The following LRBA variants were observed in gnomAD, a reference collection of about 807,000 sequenced individuals.
LRBA encodes the protein LPS responsive beige-like anchor protein, also known as lipopolysaccharide-responsive and beige-like anchor protein.
In LRBA, 176 loss-of-function variants were observed where a neutral mutation model predicts 330.0. The ratio of observed to expected loss-of-function variants is 0.53; its 90% confidence interval spans 0.47 to 0.60. The LOEUF (loss-of-function observed/expected upper bound fraction) is 0.60, where lower values mean the gene tolerates loss of function less well. Ranked by LOEUF, LRBA falls within the 20% of genes least tolerant of loss-of-function variation. The pLI is 0.00. For missense variants in LRBA, 3,259 were observed against 3,444.8 expected, an observed-to-expected ratio of 0.95 and a Z score of 1.35; for synonymous variants, 1,230 against 1,193.0, an observed-to-expected ratio of 1.03 and a Z score of -0.64.
chr4:150,397,748 A>C lies in LRBA; in HGVS notation c.7194+17690T>G, dbSNP rs185748022. ...TTATGATTGCTGTGACAAGTTACCT[A>C]AACTCACAAGTTACCTAAACTCTCT... On this transcript the variant is annotated intron_variant, in intron 47 of 56. Coordinates refer to ENST00000651943, the MANE Select transcript of LRBA (RefSeq NM_001364905.1). Among the ~76,000 whole-genome samples the C allele has an allele frequency of 5.3e-4, 81 of 152,316 alleles. No individual in the cohort carries two copies. In the South Asian group the frequency reaches 5.4e-3, roughly 10 times the overall value.
chr4:150,405,079 A>C (rs1322960948), intron 47 of LRBA, among the ~76,000 whole-genome samples: 1 of 152,186 alleles, frequency 6.6e-6, no homozygotes, highest in Non-Finnish European at 1.5e-5. Context: ...CCAGCCATAT[A>C]TGCATTAAAT....
At chr4:150,270,926 C>T (rs575637235) in intron 56 of LRBA, among the ~76,000 whole-genome samples, 72 of 152,276 alleles carry the variant, frequency 4.7e-4, no homozygotes, top group African/African-American at 1.5e-3. Flanking sequence ...TGGCAATCGC[C>T]GAATAGGAGC....
intron 2 of LRBA, among the ~76,000 whole-genome samples, chr4:150,997,753 G>C (rs1328634646): frequency 2.0e-5 from 3 of 151,600 alleles, no homozygotes; most frequent in African/African-American, 7.3e-5. Context: ...GCCCAGGCTG[G>C]AGTGCAGTGG....
At chr4:150,710,549 T>C (rs1162446403) in intron 36 of LRBA, among the ~76,000 whole-genome samples, 1 of 152,098 alleles carries the variant, frequency 6.6e-6, no homozygotes, top group Non-Finnish European at 1.5e-5. Context: ...AAAAAAATAC[T>C]ATATTTAATT....
chr4:150,559,693 AT>A (rs1350630687), intron 40 of LRBA, among the ~76,000 whole-genome samples: 72 of 90,550 alleles, frequency 8.0e-4, no homozygotes, highest in African/African-American at 2.6e-3. Context: ...ATTATATTAT[AT>A]ATTATATATT....
chr4:150,639,850 T>C lies in LRBA; in HGVS notation c.5922-40719A>G, dbSNP rs1260669348. Among the ~76,000 whole-genome samples the C allele has an allele frequency of 6.2e-3, 462 of 74,450 alleles. 41 individuals carry two copies. The highest frequency in any genetic ancestry group is 0.024 in the African/African-American group (451 of 18,556). The allele number at this position is 74,450 out of a possible 152,430, so 48.8% of individuals were successfully genotyped here. A position where few individuals can be genotyped will look rare whatever the true frequency, so the allele number is the denominator to read the frequency against. On this transcript the variant is annotated intron_variant, in intron 37 of 56. Coordinates refer to ENST00000651943, the MANE Select transcript of LRBA (RefSeq NM_001364905.1). Reference sequence around the variant, plus strand: ...ATATATATATATATATATATATATATATATATATATATATATATATATTTA... The same window carrying C: ...ATATATATATATATATATATATATACATATATATATATATATATATATTTA...
chr4:150,786,208 T>C (rs1739032407), intron 34 of LRBA, among the ~76,000 whole-genome samples: 2 of 152,074 alleles, frequency 1.3e-5, no homozygotes, highest in South Asian at 2.1e-4. Flanking sequence ...ACCCTAAGGT[T>C]GGCCACCTTT....
At position 150,809,912 on chromosome 4, in the gene LRBA, TACG is replaced by T. The variant is rs1560850307; in HGVS notation, c.5306-1517_5306-1515del. Reference sequence around the variant, plus strand: ...TACGATACGATACGATACGATACGATACGATACGATACGATACGATACTTCCCT... The same window carrying T: ...TACGATACGATACGATACGATACGATATACGATACGATACGATACTTCCCT... On this transcript the variant is annotated intron_variant, in intron 31 of 56. Transcript: ENST00000651943. Among the ~76,000 whole-genome samples the T allele has an allele frequency of 2.7e-3, 395 of 143,920 alleles. 4 individuals carry two copies. The highest frequency in any genetic ancestry group is 9.8e-3 in the African/African-American group (379 of 38,478). 94.4% of individuals were successfully genotyped at this position (143,920 alleles called of 152,430 possible).
chr4:150,773,367 G>A (rs1224626014), intron 34 of LRBA, among the ~76,000 whole-genome samples: 1 of 152,156 alleles, frequency 6.6e-6, no homozygotes, highest in Non-Finnish European at 1.5e-5. Flanking sequence ...TGACAAGTAT[G>A]GAGAAAAAAA....
intron 36 of LRBA, among the ~76,000 whole-genome samples, chr4:150,689,052 A>T (rs895914457): frequency 6.6e-6 from 1 of 152,226 alleles, no homozygotes; most frequent in Admixed American, 6.5e-5. Context: ...AAGACTTGGA[A>T]CCAACCCAAA....
At chr4:150,429,223 A>G (rs1181939551) in intron 46 of LRBA, among the ~76,000 whole-genome samples, 5 of 151,984 alleles carry the variant, frequency 3.3e-5, no homozygotes, top group African/African-American at 1.2e-4. Context: ...GCCTTACTGA[A>G]AAGGTGACAT....
In LRBA at chr4:150,831,919, G is replaced by A. The variant is rs762040872; in HGVS notation, c.4627C>T (p.Leu1543Phe). 1.9e-6 allele frequency: 3 copies of A among 1,600,208 alleles called. No individual in the cohort carries two copies. The highest frequency in any genetic ancestry group is 2.6e-6 in the Non-Finnish European group (3 of 1,172,494). The change falls in exon 29 of 57, where the codon CTT becomes TTT. Residue 1543 changes from leucine (L) to phenylalanine (F), a missense_variant. By Grantham distance (22) the Leu-to-Phe change is conservative (BLOSUM62 0). Transcript: ENST00000651943. Reference sequence around the variant, plus strand: ...ATGTCTCTGTACTTGGAGACCATAAGAACAGAGATAAAGTATACTACTGCC... The same window carrying A: ...ATGTCTCTGTACTTGGAGACCATAAAAACAGAGATAAAGTATACTACTGCC... ...ALAVVYFISVLMVSKYRDILE... is the reference protein window; with the variant it reads ...ALAVVYFISVFMVSKYRDILE...
At chr4:150,274,162 A>C (rs1439155129) in intron 56 of LRBA, among the ~76,000 whole-genome samples, 1 of 152,224 alleles carries the variant, frequency 6.6e-6, no homozygotes, top group Non-Finnish European at 1.5e-5. Context: ...ACTCACTCAA[A>C]ACCGCACAAC....
At chr4:150,326,556 C>T in intron 48 of LRBA, among the ~76,000 whole-genome samples, 1 of 152,222 alleles carries the variant, frequency 6.6e-6, no homozygotes, top group East Asian at 1.9e-4. Context: ...CCTACTATGG[C>T]TCTTGGTGCA....
intron 40 of LRBA, among the ~76,000 whole-genome samples, chr4:150,564,855 G>A (rs149224988): frequency 0.025 from 3,851 of 152,194 alleles, 138 homozygotes; most frequent in African/African-American, 0.083. Context: ...AGTCAGAATG[G>A]CGATCATTAA....
At position 150,445,377 on chromosome 4, in the gene LRBA, CTATATATA is replaced by C. The variant is rs10552819; in HGVS notation, c.6781-8521_6781-8514del. ...TCTCTCTCTCTCTCTCTCTCTCTCT[CTATATATA>C]TATATATATATATATATATATATAT... On this transcript the variant is annotated intron_variant, in intron 44 of 56. Coordinates refer to ENST00000651943, the MANE Select transcript of LRBA (RefSeq NM_001364905.1). Among the ~76,000 whole-genome samples, 653 of 78,518 alleles carry C rather than the reference CTATATATA, an allele frequency of 8.3e-3. 3 individuals are homozygous for C. The highest frequency in any genetic ancestry group is 0.022 in the African/African-American group (503 of 22,420). The allele number at this position is 78,518 out of a possible 152,430, so 51.5% of individuals were successfully genotyped here.
intron 48 of LRBA, among the ~76,000 whole-genome samples, chr4:150,337,336 A>C (rs1734890703): frequency 6.6e-6 from 1 of 152,182 alleles, no homozygotes; most frequent in Non-Finnish European, 1.5e-5. Context: ...TAAAAATATT[A>C]ATATTTTGCT....
intron 48 of LRBA, among the ~76,000 whole-genome samples, chr4:150,330,560 C>T (rs904366635): frequency 1.8e-4 from 27 of 152,104 alleles, no homozygotes; most frequent in Non-Finnish European, 3.5e-4. Context: ...GATGACCAGG[C>T]ATTAGATTCT....
At chr4:150,382,013 T>G (rs1236030908) in intron 47 of LRBA, among the ~76,000 whole-genome samples, 1 of 152,218 alleles carries the variant, frequency 6.6e-6, no homozygotes, top group South Asian at 2.1e-4. Context: ...ACTATTTATC[T>G]TCTTATTCTT....
Sources: allele counts gnomAD v4.1 joint callset (sites outside exome capture counted in the v4.1 genomes callset), GRCh38; gene constraint gnomAD v4.1.1; transcripts MANE v1.5; gene names NCBI Gene and HGNC (gene_info 2026-07-23, HGNC 2026-07-21).